Variants in APLF observed in about 807,000 individuals in gnomAD.
APLF encodes aprataxin and PNK-like factor.
Under a neutral mutation model 55.6 loss-of-function variants are expected in APLF, and 61 were observed. That is an observed-to-expected ratio of 1.10 (90% CI 0.89 to 1.36). APLF has a LOEUF of 1.36. APLF is among the 40% of genes most tolerant of loss of function. The pLI is 0.00. For missense variants in APLF, 611 were observed against 602.5 expected (o/e 1.01, Z -0.15); for synonymous variants, 207 against 214.8 (o/e 0.96, Z 0.32).
intron 2 of APLF, among the ~76,000 whole-genome samples, chr2:68,499,050 A>C (rs746621232): frequency 7.9e-5 from 12 of 152,164 alleles, no homozygotes; most frequent in Non-Finnish European, 1.8e-4. Flanking sequence ...CAAACAAACA[A>C]AACACTGAAA....
chr2:68,477,000 A>T (rs1675799840), intron 1 of APLF, among the ~76,000 whole-genome samples: 1 of 152,228 alleles, frequency 6.6e-6, no homozygotes, highest in Non-Finnish European at 1.5e-5. Flanking sequence ...AATTAAAAAG[A>T]TATGTCATGA....
chr2:68,544,732 A>G (rs1289798582), intron 7 of APLF, among the ~76,000 whole-genome samples: 1 of 152,178 alleles, frequency 6.6e-6, no homozygotes, highest in East Asian at 1.9e-4. Context: ...ACCTTTGCGT[A>G]GTAAATGGAT....
chr2:68,530,098 A>C (rs1670208103), intron 6 of APLF, among the ~76,000 whole-genome samples: 1 of 152,160 alleles, frequency 6.6e-6, no homozygotes, highest in African/African-American at 2.4e-5. Context: ...CAGGGTCTCC[A>C]CTTTTTACAA....
intron 9 of APLF, among the ~76,000 whole-genome samples, chr2:68,572,593 T>C (rs1671499661): frequency 6.6e-6 from 1 of 152,224 alleles, no homozygotes; most frequent in African/African-American, 2.4e-5. Flanking sequence ...CCCAGCACTC[T>C]GGGAGGCCAA....
intron 2 of APLF, among the ~76,000 whole-genome samples, chr2:68,496,348 A>T (rs925267974): frequency 4.0e-5 from 6 of 151,898 alleles, no homozygotes; most frequent in Non-Finnish European, 7.4e-5. Context: ...CAGGTGATTC[A>T]CCAGCCTCAG....
At chr2:68,547,565 A>G (rs1386162040) in intron 8 of APLF, among the ~76,000 whole-genome samples, 1 of 151,782 alleles carries the variant, frequency 6.6e-6, no homozygotes, top group Admixed American at 6.6e-5. Context: ...AAGGTGACAT[A>G]TTTATGAAAA....
Position 68,537,551 on chromosome 2 carries a change from G to C in APLF, c.805-321G>C, listed in dbSNP as rs974409869. 7.2e-5 allele frequency among the ~76,000 whole-genome samples: 11 copies of C among 151,982 alleles called. No individual in the cohort carries two copies. The South Asian group carries it at 2.3e-3, about 32-fold the overall frequency. On this transcript the variant is annotated intron_variant, in intron 6 of 9. Transcript: ENST00000303795. Reference sequence around the variant, plus strand: ...CTCAACTAATTTTTTGTATTTTTTAGTAAAGACGGGGTTTCACCTTGTTGG... The same window carrying C: ...CTCAACTAATTTTTTGTATTTTTTACTAAAGACGGGGTTTCACCTTGTTGG...
At chr2:68,559,152 T>G (rs1195396916) in intron 8 of APLF, among the ~76,000 whole-genome samples, 1 of 152,150 alleles carries the variant, frequency 6.6e-6, no homozygotes, top group Non-Finnish European at 1.5e-5. Context: ...TTCAGTTTCT[T>G]GTGAAAACAT....
intron 6 of APLF, 123 bp downstream of exon 6, chr2:68,526,365 C>T (rs1670046601): frequency 2.1e-6 from 3 of 1,423,848 alleles, no homozygotes. Flanking sequence ...GAAGACAAAA[C>T]TAGCCCAATT....
chr2:68,539,610 G>A (rs573689661), intron 7 of APLF, among the ~76,000 whole-genome samples: 3 of 152,202 alleles, frequency 2.0e-5, no homozygotes, highest in Admixed American at 1.3e-4. Flanking sequence ...TTTGGGAGGT[G>A]GGGAACAATG....
chr2:68,467,624 C>A lies in APLF; in HGVS notation c.-108C>A, dbSNP rs531969463. 5 of 940,714 alleles carry A rather than the reference C, an allele frequency of 5.3e-6. No homozygotes were observed. The East Asian group carries it at 9.9e-5, about 19-fold the overall frequency. The allele number at this position is 940,714 out of a possible 1,614,324, so 58.3% of individuals were successfully genotyped here. A position where few individuals can be genotyped will look rare whatever the true frequency, so the allele number is the denominator to read the frequency against. ...AGCCGCGGGGAGCCTTTGAGGCCCT[C>A]CCTCGGTGTTTTTTCCCAGGGCGTG... is the stretch of plus-strand genomic sequence containing the variant. On this transcript the variant is annotated 5_prime_UTR_variant, in exon 1 of 10. Transcript: ENST00000303795.
At chr2:68,527,614 A>G (rs995436855) in intron 6 of APLF, among the ~76,000 whole-genome samples, 16 of 150,132 alleles carry the variant, frequency 1.1e-4, no homozygotes, top group African/African-American at 3.9e-4. Context: ...CGATTCGCAG[A>G]CAGGATGGCA....
At chr2:68,558,204 TTAA>T (rs1384944878) in intron 8 of APLF, among the ~76,000 whole-genome samples, 1 of 152,166 alleles carries the variant, frequency 6.6e-6, no homozygotes, top group Non-Finnish European at 1.5e-5. Context: ...TGTTTTTCAT[TTAA>T]TGTGCATTAA....
intron 5 of APLF, among the ~76,000 whole-genome samples, chr2:68,518,196 TA>T (rs1669702707): frequency 8.2e-6 from 1 of 121,810 alleles, no homozygotes; most frequent in South Asian, 2.4e-4. Context: ...TATATATTAC[TA>T]ATATATAATA....
At chr2:68,473,648 C>G (rs1188307138) in intron 1 of APLF, among the ~76,000 whole-genome samples, 1 of 152,186 alleles carries the variant, frequency 6.6e-6, no homozygotes, top group Non-Finnish European at 1.5e-5. Flanking sequence ...AGTGACAGTT[C>G]TTGTCACTGG....
Position 68,467,636 on chromosome 2 carries a change from T to C in APLF, c.-96T>C. The C allele has an allele frequency of 9.3e-7, 1 of 1,075,166 alleles. No individual in the cohort carries two copies. Among genetic ancestry groups the C allele is most frequent in the African/African-American group, 1.6e-5 (1 of 61,458 alleles). 66.6% of individuals were successfully genotyped at this position (1,075,166 alleles called of 1,614,324 possible). A position where few individuals can be genotyped will look rare whatever the true frequency, so the allele number is the denominator to read the frequency against. On this transcript the variant is annotated 5_prime_UTR_variant, in exon 1 of 10. Coordinates refer to ENST00000303795, the MANE Select transcript of APLF (RefSeq NM_173545.3). The stretch of plus-strand genomic sequence containing the variant: ...CCTTTGAGGCCCTCCCTCGGTGTTT[T>C]TTCCCAGGGCGTGGGCTTGCCCCGC...
intron 6 of APLF, among the ~76,000 whole-genome samples, chr2:68,534,587 C>T (rs1444255879): frequency 6.6e-6 from 1 of 152,116 alleles, no homozygotes; most frequent in East Asian, 1.9e-4. Flanking sequence ...CACCTCCAAA[C>T]ACCCAGGTCA....
intron 5 of APLF, among the ~76,000 whole-genome samples, chr2:68,524,786 AG>A (rs1487557214): frequency 1.3e-5 from 2 of 152,218 alleles, no homozygotes; most frequent in Non-Finnish European, 2.9e-5. Context: ...GAGACAAGGG[AG>A]GAACAATGAA....
At chr2:68,562,998 C>A in intron 8 of APLF, 1 of 889,618 alleles carries the variant, frequency 1.1e-6, no homozygotes, top group Non-Finnish European at 1.3e-6. Flanking sequence ...ATAAATACCC[C>A]AACAGCAAAT....
Sources: allele counts gnomAD v4.1 joint callset (sites outside exome capture counted in the v4.1 genomes callset), GRCh38; gene constraint gnomAD v4.1.1; transcripts MANE v1.5; gene names NCBI Gene and HGNC (gene_info 2026-07-23, HGNC 2026-07-21).